CCSER1: variants seen among roughly 807,000 people sequenced by gnomAD.
CCSER1 encodes coiled-coil serine rich protein 1.
A neutral mutation model predicts 82.0 loss-of-function variants in CCSER1; 41 were observed. That is an observed-to-expected ratio of 0.50 (90% CI 0.39 to 0.65). CCSER1 has a LOEUF of 0.65. Among genes scored for constraint, CCSER1 ranks in the 30% least tolerant of loss-of-function variants. The pLI is 0.00. For synonymous variants in CCSER1, 414 were observed against 383.9 expected, an observed-to-expected ratio of 1.08 and a Z score of -0.92; for missense variants, 1,119 against 1,064.2, an observed-to-expected ratio of 1.05 and a Z score of -0.72.
At chr4:90,776,847 A>G (rs190395368) in intron 7 of CCSER1, among the ~76,000 whole-genome samples, 1 of 151,970 alleles carries the variant, frequency 6.6e-6, no homozygotes, top group Non-Finnish European at 1.5e-5. Flanking sequence ...AGTACCCAAT[A>G]CTCTATGCAT....
chr4:91,465,489 A>G (rs1756835613), intron 10 of CCSER1, among the ~76,000 whole-genome samples: 1 of 152,188 alleles, frequency 6.6e-6, no homozygotes, highest in East Asian at 1.9e-4. Flanking sequence ...AGAAGGCAAG[A>G]AATAACTAAG....
intron 10 of CCSER1, among the ~76,000 whole-genome samples, chr4:91,259,341 G>A (rs1372871432): frequency 1.3e-5 from 2 of 152,142 alleles, no homozygotes; most frequent in Non-Finnish European, 2.9e-5. Flanking sequence ...CAAAGCATTA[G>A]TGTGAACCTG....
chr4:90,235,500 C>G (rs1745612782), intron 1 of CCSER1, among the ~76,000 whole-genome samples: 1 of 152,102 alleles, frequency 6.6e-6, no homozygotes, highest in South Asian at 2.1e-4. Context: ...CATAAACACT[C>G]GAACCCTAGA....
intron 5 of CCSER1, among the ~76,000 whole-genome samples, chr4:90,484,613 C>G (rs887041317): frequency 1.3e-5 from 2 of 152,302 alleles, no homozygotes; most frequent in Middle Eastern, 3.4e-3. Flanking sequence ...AGCTGCAGGT[C>G]TGTTGGAGTT....
intron 10 of CCSER1, among the ~76,000 whole-genome samples, chr4:91,430,871 T>C (rs1019734544): frequency 1.3e-5 from 2 of 152,244 alleles, no homozygotes; most frequent in African/African-American, 4.8e-5. Flanking sequence ...GGAAATCCTC[T>C]AGCGTTTTAT....
At chr4:90,987,562 C>A (rs539128289) in intron 9 of CCSER1, among the ~76,000 whole-genome samples, 2 of 151,638 alleles carry the variant, frequency 1.3e-5, no homozygotes, top group Non-Finnish European at 2.9e-5. Context: ...TGTACCAAGG[C>A]ACCCATTCAT....
chr4:91,048,403 T>TA (rs1169584160), intron 9 of CCSER1, among the ~76,000 whole-genome samples: 1 of 152,032 alleles, frequency 6.6e-6, no homozygotes, highest in Non-Finnish European at 1.5e-5. Flanking sequence ...CTATAATTTT[T>TA]AAAAAACCCT....
intron 10 of CCSER1, among the ~76,000 whole-genome samples, chr4:91,202,946 T>C (rs573921227): frequency 1.3e-5 from 2 of 151,748 alleles, no homozygotes; most frequent in African/African-American, 4.8e-5. Flanking sequence ...TTAAAGATTT[T>C]ATGTTGTTGT....
chr4:90,229,578 C>G (rs534756134), intron 1 of CCSER1, among the ~76,000 whole-genome samples: 3 of 151,612 alleles, frequency 2.0e-5, no homozygotes, highest in Admixed American at 1.3e-4. Flanking sequence ...AGCAAAATAA[C>G]CAGCTAACAT....
intron 5 of CCSER1, among the ~76,000 whole-genome samples, chr4:90,528,802 G>C (rs1252569337): frequency 1.3e-5 from 2 of 152,090 alleles, no homozygotes; most frequent in Non-Finnish European, 2.9e-5. Context: ...AAGTTTTAAA[G>C]GTAATATTAG....
chr4:91,156,786 T>G (rs1001234077), intron 10 of CCSER1, among the ~76,000 whole-genome samples: 3 of 151,758 alleles, frequency 2.0e-5, no homozygotes, highest in Admixed American at 6.6e-5. Flanking sequence ...TCACAACAGT[T>G]TCTTCACTTA....
chr4:91,435,888 A>G (rs1754619499), intron 10 of CCSER1, among the ~76,000 whole-genome samples: 1 of 152,210 alleles, frequency 6.6e-6, no homozygotes, highest in South Asian at 2.1e-4. Flanking sequence ...GTTGTACAAA[A>G]CTGTGCTTAT....
At position 90,514,760 on chromosome 4, in the gene CCSER1, T is replaced by TA. The variant is rs941447840; in HGVS notation, c.1724+46415dup. 2.8e-4 allele frequency among the ~76,000 whole-genome samples: 42 copies of TA among 148,698 alleles called. No homozygotes were observed. In the South Asian group the frequency reaches 7.7e-3, roughly 27 times the overall value. ...GACAGAGGAGACGCCGTTGCAAAAA[T>TA]AAAAAAAAAGAAAATATTTTAAACC... On this transcript the variant is annotated intron_variant, in intron 5 of 10. Transcript: ENST00000509176.
chr4:90,393,967 G>A (rs1293450448), intron 3 of CCSER1, among the ~76,000 whole-genome samples: 4 of 151,584 alleles, frequency 2.6e-5, no homozygotes, highest in Admixed American at 1.3e-4. Context: ...ATTGCAGAGA[G>A]GGGGGTCTCG....
At chr4:91,428,797 G>T (rs1754132946) in intron 10 of CCSER1, among the ~76,000 whole-genome samples, 1 of 151,824 alleles carries the variant, frequency 6.6e-6, no homozygotes, top group Non-Finnish European at 1.5e-5. Context: ...TTGCATTTTA[G>T]TATTGTTTGA....
chr4:90,990,179 G>C (rs746161859), intron 9 of CCSER1, among the ~76,000 whole-genome samples: 3 of 151,870 alleles, frequency 2.0e-5, no homozygotes, highest in African/African-American at 7.2e-5. Flanking sequence ...GTGCTTTCAA[G>C]TGGAGAGTAG....
chr4:90,788,402 G>C (rs1754804553), intron 7 of CCSER1, among the ~76,000 whole-genome samples: 1 of 152,124 alleles, frequency 6.6e-6, no homozygotes, highest in Non-Finnish European at 1.5e-5. Context: ...CACAGTTCTA[G>C]AGGCTAGAAT....
chr4:90,647,247 T>C (rs930469765), intron 6 of CCSER1, among the ~76,000 whole-genome samples: 1 of 152,228 alleles, frequency 6.6e-6, no homozygotes, highest in South Asian at 2.1e-4. Flanking sequence ...GTGAGCCAGT[T>C]TGGCCACTGC....
At chr4:90,786,914 G>T (rs138274909) in intron 7 of CCSER1, among the ~76,000 whole-genome samples, 1 of 152,316 alleles carries the variant, frequency 6.6e-6, no homozygotes, top group East Asian at 1.9e-4. Flanking sequence ...TCAAGCTGAG[G>T]TTTCTATAAC....
Sources: allele counts gnomAD v4.1 joint callset (sites outside exome capture counted in the v4.1 genomes callset), GRCh38; gene constraint gnomAD v4.1.1; transcripts MANE v1.5; gene names NCBI Gene and HGNC (gene_info 2026-07-23, HGNC 2026-07-21).